Variants in EMC8 observed in about 807,000 individuals in gnomAD.
The protein encoded by EMC8 is COX4 neighbor.
A neutral mutation model predicts 24.3 loss-of-function variants in EMC8; 11 were observed. The ratio of observed to expected loss-of-function variants is 0.45; its 90% CI spans 0.28 to 0.75. The LOEUF is 0.75. Ranked by LOEUF, EMC8 falls within the 30% of genes least tolerant of loss-of-function variation. The pLI is 0.12. For missense variants in EMC8, 277 were observed against 282.7 expected (o/e 0.98, Z 0.14); for synonymous variants, 145 against 117.7 (o/e 1.23, Z -1.50).
At chr16:85,780,315 G>A in intron 4 of EMC8, 64 bp downstream of exon 4, 2 of 1,173,080 alleles carry the variant, frequency 1.7e-6, no homozygotes, top group Non-Finnish European at 2.5e-6. Flanking sequence ...CGGGGTGAGA[G>A]TGGCTCTCAC....
intron 1 of EMC8, among the ~76,000 whole-genome samples, chr16:85,795,337 C>T (rs1175163219): frequency 6.6e-6 from 1 of 152,160 alleles, no homozygotes; most frequent in Non-Finnish European, 1.5e-5. Context: ...CTCCTCCACT[C>T]AACCCATAAA....
intron 1 of EMC8, among the ~76,000 whole-genome samples, chr16:85,793,524 C>G (rs1905104351): frequency 6.6e-6 from 1 of 152,150 alleles, no homozygotes; most frequent in African/African-American, 2.4e-5. Context: ...CACAGCATCC[C>G]TCTCCCCATC....
chr16:85,792,870 C>T (rs1303821016), intron 1 of EMC8: 1 of 152,234 alleles, frequency 6.6e-6, no homozygotes, highest in Non-Finnish European at 1.5e-5. Context: ...CTGTACGACA[C>T]CCCACACCCT....
chr16:85,797,562 G>C (rs1463099933), intron 1 of EMC8, among the ~76,000 whole-genome samples: 2 of 152,108 alleles, frequency 1.3e-5, no homozygotes, highest in Non-Finnish European at 2.9e-5. Context: ...AATCCTACCC[G>C]GAAATGATAT....
intron 2 of EMC8, chr16:85,784,640 C>A (rs920081240): frequency 6.6e-6 from 1 of 152,030 alleles, no homozygotes; most frequent in Non-Finnish European, 1.5e-5. Flanking sequence ...GAAGGCAGTG[C>A]TTCACTGCAC....
At position 85,781,878 on chromosome 16, in the gene EMC8, A is replaced by G. The variant is rs111832401; in HGVS notation, c.309-598T>C. ...GGAAAACCACCTTTGTGATCTTGGTATTTTCCCTGACAGGTAAATACGTTT... is the reference window on the plus strand; with the variant it reads ...GGAAAACCACCTTTGTGATCTTGGTGTTTTCCCTGACAGGTAAATACGTTT... On this transcript the variant is annotated intron_variant, in intron 2 of 4. Transcript: ENST00000253457. 818 of 152,910 alleles carry G rather than the reference A, an allele frequency of 5.3e-3. 7 individuals are homozygous for G. The highest frequency in any genetic ancestry group is 0.019 in the African/African-American group (769 of 41,534). The allele number at this position is 152,910 out of a possible 1,614,324, so 9.5% of individuals were successfully genotyped here.
Position 85,780,386 on chromosome 16 carries a change from G to C in EMC8, c.466C>G (p.Pro156Ala). 1 of 1,613,548 alleles carries C rather than the reference G, an allele frequency of 6.2e-7. No individual in the cohort carries two copies. The highest frequency in any genetic ancestry group is 1.1e-5 in the South Asian group (1 of 91,070). Residue 156 changes from proline to alanine, a missense_variant, in exon 4 of 5, where the codon CCA (proline) becomes GCA (alanine). Physicochemically the swap from Pro to Ala is conservative, Grantham distance 27. Coordinates refer to ENST00000253457, the MANE Select transcript of EMC8 (RefSeq NM_006067.5). ...AGCATGGGGCGCACTCACTGGTGTGGGTCTCTGCACCGCCATCTGTTCTCA... is the reference window on the plus strand; with the variant it reads ...AGCATGGGGCGCACTCACTGGTGTGCGTCTCTGCACCGCCATCTGTTCTCA... ...HHENRWRCRD[P>A]HHDYCEDWPE...
At chr16:85,795,700 G>A (rs541597698) in intron 1 of EMC8, among the ~76,000 whole-genome samples, 2 of 152,152 alleles carry the variant, frequency 1.3e-5, no homozygotes, top group African/African-American at 4.8e-5. Flanking sequence ...GCAGTGTCCT[G>A]TATAATAAAC....
chr16:85,779,959 G>C (rs1904410631), intron 4 of EMC8, 92 bp from the exon 5 acceptor site: 1 of 1,016,884 alleles, frequency 9.8e-7, no homozygotes, highest in African/African-American at 1.6e-5. Context: ...CATGCACAGT[G>C]GTATGAACAG....
Position 85,780,374 on chromosome 16 carries a change from C to T in EMC8, c.473+5G>A, listed in dbSNP as rs1904432967. The stretch of plus-strand genomic sequence containing the variant: ...AGCCCGCGCGGCAGCATGGGGCGCA[C>T]TCACTGGTGTGGGTCTCTGCACCGC... On this transcript the variant is annotated splice_donor_5th_base_variant and intron_variant, in intron 4 of 4. Coordinates refer to ENST00000253457, the MANE Select transcript of EMC8 (RefSeq NM_006067.5). The T allele has an allele frequency of 6.2e-7, 1 of 1,612,424 alleles. No individual in the cohort carries two copies. Among genetic ancestry groups the T allele is most frequent in the Non-Finnish European group, 8.5e-7 (1 of 1,178,604 alleles).
chr16:85,787,117 G>A (rs1025711904), intron 2 of EMC8, among the ~76,000 whole-genome samples: 1 of 152,108 alleles, frequency 6.6e-6, no homozygotes, highest in Non-Finnish European at 1.5e-5. Context: ...GAGCACAGAG[G>A]AGCCCTCAGC....
intron 1 of EMC8, among the ~76,000 whole-genome samples, chr16:85,798,007 T>C (rs759108814): frequency 6.6e-6 from 1 of 151,960 alleles, no homozygotes; most frequent in Admixed American, 6.6e-5. Context: ...ACCTGCATGC[T>C]ACATCTTTTT....
intron 1 of EMC8, among the ~76,000 whole-genome samples, chr16:85,795,233 G>A (rs1905200198): frequency 6.6e-6 from 1 of 151,866 alleles, no homozygotes; most frequent in Non-Finnish European, 1.5e-5. Context: ...TCTTCAAGAA[G>A]CTCCTAGAAG....
chr16:85,785,846 T>C (rs538922278), intron 2 of EMC8, among the ~76,000 whole-genome samples: 27 of 152,258 alleles, frequency 1.8e-4, no homozygotes, highest in Non-Finnish European at 8.8e-5. Flanking sequence ...GTAGGTGCCA[T>C]CTTACAATGT....
Position 85,779,268 on chromosome 16 carries a change from G to A in EMC8, c.*440C>T, listed in dbSNP as rs1397551224. On this transcript the variant is annotated 3_prime_UTR_variant, in exon 5 of 5. Coordinates refer to ENST00000253457, the MANE Select transcript of EMC8 (RefSeq NM_006067.5). ...GTCTACCCTGATCCCAGGACGCCTG[G>A]ACGACATCAAAATTCAAACAGGATA... 1 of 164,692 alleles carries A rather than the reference G, an allele frequency of 6.1e-6. No individual in the cohort carries two copies. The highest frequency in any genetic ancestry group is 1.7e-4 in the East Asian group (1 of 5,822). The allele number at this position is 164,692 out of a possible 1,614,324, so 10.2% of individuals were successfully genotyped here.
intron 2 of EMC8, chr16:85,784,530 T>C (rs930783022): frequency 6.6e-6 from 1 of 152,208 alleles, no homozygotes; most frequent in African/African-American, 2.4e-5. Context: ...AAAATGTGAC[T>C]GTGTTAAGAA....
intron 1 of EMC8, among the ~76,000 whole-genome samples, chr16:85,797,544 A>G (rs751534315): frequency 8.5e-5 from 13 of 152,256 alleles, no homozygotes; most frequent in Non-Finnish European, 1.6e-4. Flanking sequence ...AAGTATTATA[A>G]TCATCTGAAT....
At chr16:85,798,325 T>C (rs959863921) in intron 1 of EMC8, among the ~76,000 whole-genome samples, 15 of 152,084 alleles carry the variant, frequency 9.9e-5, no homozygotes, top group African/African-American at 2.2e-4. Context: ...TTTCACCATG[T>C]TGGTCAGGCT....
chr16:85,783,660 C>G (rs1325498994), intron 2 of EMC8, among the ~76,000 whole-genome samples: 3 of 152,194 alleles, frequency 2.0e-5, no homozygotes, highest in Non-Finnish European at 2.9e-5. Flanking sequence ...GCCACAGGGG[C>G]AATGCTGTGT....
Sources: gnomAD v4.1 joint callset for allele counts (sites outside exome capture counted in the v4.1 genomes callset) on GRCh38, gnomAD v4.1.1 for gene constraint, MANE v1.5 for transcripts, NCBI Gene and HGNC (gene_info 2026-07-23, HGNC 2026-07-21) for gene names.